The following LRP1B variants were observed in gnomAD, a reference collection of about 807,000 sequenced individuals.
LRP1B encodes LDL receptor related protein 1B.
In LRP1B, 217 loss-of-function variants were observed where a neutral mutation model predicts 556.6. That is an observed-to-expected ratio of 0.39 (90% CI 0.35 to 0.44). LRP1B has a LOEUF of 0.44. Ranked by LOEUF, LRP1B falls within the 20% of genes least tolerant of loss-of-function variation. The pLI is 1.00. For synonymous variants in LRP1B, 2,047 were observed against 1,865.8 expected (o/e 1.10, Z -2.50); for missense variants, 5,053 against 5,620.8 (o/e 0.90, Z 3.23).
intron 14 of LRP1B, among the ~76,000 whole-genome samples, chr2:141,007,578 A>G (rs1181842828): frequency 1.3e-5 from 2 of 151,680 alleles, no homozygotes; most frequent in African/African-American, 4.8e-5. Context: ...TAAAAATGCA[A>G]TGCTTCATAG....
chr2:141,133,254 T>C (rs999432588), intron 7 of LRP1B, among the ~76,000 whole-genome samples: 1 of 150,268 alleles, frequency 6.7e-6, no homozygotes, highest in African/African-American at 2.4e-5. Flanking sequence ...ATATTTTTAA[T>C]GATAGTAGCA....
chr2:142,067,741 T>C (rs1705158255), intron 1 of LRP1B, among the ~76,000 whole-genome samples: 1 of 151,546 alleles, frequency 6.6e-6, no homozygotes. Context: ...TCCTGTACAA[T>C]ATTGGCATCC....
At chr2:140,837,208 T>C (rs1176528982) in intron 31 of LRP1B, among the ~76,000 whole-genome samples, 1 of 152,150 alleles carries the variant, frequency 6.6e-6, no homozygotes, top group Non-Finnish European at 1.5e-5. Flanking sequence ...AAAGAAGAGA[T>C]TTTGTCTTGA....
At chr2:141,026,745 C>T (rs183508997) in intron 11 of LRP1B, among the ~76,000 whole-genome samples, 34 of 152,182 alleles carry the variant, frequency 2.2e-4, no homozygotes, top group African/African-American at 7.0e-4. Context: ...TCATAACCCT[C>T]CTGGGTACAT....
chr2:140,706,699 T>C (rs1187247523), intron 37 of LRP1B, among the ~76,000 whole-genome samples: 1 of 152,134 alleles, frequency 6.6e-6, no homozygotes, highest in Non-Finnish European at 1.5e-5. Context: ...TCACATTTGG[T>C]AGCACTGGAG....
chr2:141,318,862 A>G (rs1687124296), intron 3 of LRP1B, among the ~76,000 whole-genome samples: 1 of 152,166 alleles, frequency 6.6e-6, no homozygotes, highest in Non-Finnish European at 1.5e-5. Context: ...CTATACTAAA[A>G]GAGATGCCTA....
chr2:141,171,759 A>AAGCCTCATC (rs1316168699), intron 7 of LRP1B, among the ~76,000 whole-genome samples: 2 of 152,010 alleles, frequency 1.3e-5, no homozygotes, highest in East Asian at 3.9e-4. Context: ...TGGGTAGGTA[A>AAGCCTCATC]TTGCACCTCT....
Position 140,908,000 on chromosome 2 carries a change from T to C in LRP1B, c.3397A>G (p.Ser1133Gly), listed in dbSNP as rs2105232155. ...TGCTTGGGTGGTCCACACAAGAAACTGTCACAGTCATCTTCATCTGACTGA... is the reference window on the plus strand; with the variant it reads ...TGCTTGGGTGGTCCACACAAGAAACCGTCACAGTCATCTTCATCTGACTGA... ...EDQSDEDDCD[S>G]FLCGPPKHPC... The change falls in exon 22 of 91, where the codon AGT becomes GGT. Residue 1133 changes from serine (S) to glycine (G), a missense_variant. Physicochemically the swap from Ser to Gly is moderately conservative, Grantham distance 56. Around this residue, in one of 5 missense-constraint regions of LRP1B, gnomAD observed 3,619 missense variants for 3,931.9 expected, o/e 0.92. Transcript: ENST00000389484. 1 of 1,613,534 alleles carries C rather than the reference T, an allele frequency of 6.2e-7. No individual in the cohort carries two copies. Among genetic ancestry groups the C allele is most frequent in the Non-Finnish European group, 8.5e-7 (1 of 1,179,698 alleles).
chr2:140,991,981 T>C (rs1162191038), intron 16 of LRP1B, among the ~76,000 whole-genome samples: 1 of 152,108 alleles, frequency 6.6e-6, no homozygotes, highest in Non-Finnish European at 1.5e-5. Flanking sequence ...GGTTGTGCAG[T>C]TATTGAAATT....
chr2:141,507,208 A>C (rs1031381629), intron 2 of LRP1B, among the ~76,000 whole-genome samples: 3 of 152,204 alleles, frequency 2.0e-5, no homozygotes, highest in Non-Finnish European at 2.9e-5. Flanking sequence ...GACTCTGAAG[A>C]CCTTTAAATT....
At chr2:140,825,953 A>G (rs933008515) in intron 31 of LRP1B, among the ~76,000 whole-genome samples, 9 of 152,210 alleles carry the variant, frequency 5.9e-5, no homozygotes, top group African/African-American at 2.2e-4. Context: ...CTGATGTGAT[A>G]ACTATCTGCA....
chr2:141,792,179 G>C (rs1227621488), intron 2 of LRP1B, among the ~76,000 whole-genome samples: 1 of 151,792 alleles, frequency 6.6e-6, no homozygotes, highest in Non-Finnish European at 1.5e-5. Context: ...GCAACATAGG[G>C]AATGCAATGT....
At chr2:141,140,286 T>C (rs1047142412) in intron 7 of LRP1B, among the ~76,000 whole-genome samples, 5 of 152,166 alleles carry the variant, frequency 3.3e-5, no homozygotes, top group Admixed American at 3.3e-4. Flanking sequence ...TTTCATCACG[T>C]CTTTCAACCG....
At position 141,381,529 on chromosome 2, in the gene LRP1B, A is replaced by C. The variant is rs114017140; in HGVS notation, c.343+98867T>G. Among the ~76,000 whole-genome samples the C allele has an allele frequency of 3.0e-3, 461 of 152,242 alleles. 1 individual carries two copies. Among genetic ancestry groups the C allele is most frequent in the African/African-American group, 0.01 (435 of 41,558 alleles). On this transcript the variant is annotated intron_variant, in intron 3 of 90. Transcript: ENST00000389484. Reference sequence around the variant, plus strand: ...CCCAAACTTGGGGAACAGAATGAACATTCAGATCCAGGAATCCTAAAGGAT... The same window carrying C: ...CCCAAACTTGGGGAACAGAATGAACCTTCAGATCCAGGAATCCTAAAGGAT...
At position 140,639,551 on chromosome 2, in the gene LRP1B, G is replaced by T. The variant is rs140049321; in HGVS notation, c.6800-37912C>A. On this transcript the variant is annotated intron_variant, in intron 41 of 90. Transcript: ENST00000389484. Reference sequence around the variant, plus strand: ...AATTAAAAAATTCTTTCTGATTTCAGTATCTGCACAGTACTTGCTGCATTT... The same window carrying T: ...AATTAAAAAATTCTTTCTGATTTCATTATCTGCACAGTACTTGCTGCATTT... Among the ~76,000 whole-genome samples the T allele has an allele frequency of 5.8e-4, 88 of 152,268 alleles. No homozygotes were observed. In the East Asian group the frequency reaches 0.015, roughly 26 times the overall value.
At chr2:141,315,604 T>A (rs1473349222) in intron 3 of LRP1B, among the ~76,000 whole-genome samples, 1 of 151,870 alleles carries the variant, frequency 6.6e-6, no homozygotes, top group Non-Finnish European at 1.5e-5. Context: ...AAATTGTTAT[T>A]ATTATATATA....
intron 1 of LRP1B, among the ~76,000 whole-genome samples, chr2:141,892,388 A>T (rs1488890932): frequency 6.6e-6 from 1 of 151,958 alleles, no homozygotes; most frequent in Non-Finnish European, 1.5e-5. Context: ...TCTCCACATT[A>T]AGTGGAAATT....
intron 43 of LRP1B, among the ~76,000 whole-genome samples, chr2:140,590,234 A>C (rs1682160461): frequency 1.6e-5 from 2 of 128,358 alleles, no homozygotes; most frequent in Admixed American, 8.1e-5. Flanking sequence ...GAATTTTTAA[A>C]TGTGTATATA....
At chr2:141,061,678 G>C (rs750279111) in intron 8 of LRP1B, among the ~76,000 whole-genome samples, 24 of 151,922 alleles carry the variant, frequency 1.6e-4, no homozygotes, top group Non-Finnish European at 2.8e-4. Context: ...CGCCACATGG[G>C]ACAGATGATA....
Sources: gnomAD v4.1 joint callset for allele counts (sites outside exome capture counted in the v4.1 genomes callset) on GRCh38, gnomAD v4.1.1 for gene constraint, gnomAD v4.1.1 regional missense constraint, MANE v1.5 for transcripts, NCBI Gene and HGNC (gene_info 2026-07-23, HGNC 2026-07-21) for gene names.